Variants in LGSN observed in about 807,000 individuals in gnomAD.
LGSN encodes the protein lengsin.
Under a neutral mutation model 19.5 loss-of-function variants are expected in LGSN, and 21 were observed. That is an observed-to-expected ratio of 1.07 (90% CI 0.76 to 1.55). LGSN has a LOEUF of 1.55. Ranked by LOEUF, LGSN falls within the 40% of genes most tolerant of loss-of-function variation. The pLI is 0.00. For synonymous variants in LGSN, 257 were observed against 215.6 expected (o/e 1.19, Z -1.68); for missense variants, 673 against 608.5 (o/e 1.11, Z -1.12).
chr6:63,409,973 G>A, the LGSN span, among the ~76,000 whole-genome samples: 6 of 152,240 alleles, frequency 3.9e-5, no homozygotes, highest in Non-Finnish European at 7.4e-5. Flanking sequence ...GGAGGCGGAG[G>A]TTGCAGTGAG....
At chr6:63,393,491 T>C in the LGSN span, among the ~76,000 whole-genome samples, 3 of 152,166 alleles carry the variant, frequency 2.0e-5, no homozygotes, top group Non-Finnish European at 4.4e-5. Context: ...TCTTCCCTTC[T>C]TCTGTACAGT....
At chr6:63,353,967 C>T in the LGSN span, among the ~76,000 whole-genome samples, 2 of 152,180 alleles carry the variant, frequency 1.3e-5, no homozygotes, top group Non-Finnish European at 1.5e-5. Flanking sequence ...AACTAGACCC[C>T]TATCTCTCAC....
the LGSN span, among the ~76,000 whole-genome samples, chr6:63,510,928 G>A: frequency 0.31 from 47,417 of 151,860 alleles, 7,610 homozygotes; most frequent in Admixed American, 0.39. Flanking sequence ...TCCTGCCTCT[G>A]CCTCTCAAAG....
the LGSN span, among the ~76,000 whole-genome samples, chr6:63,542,817 A>G: frequency 6.6e-6 from 1 of 152,138 alleles, no homozygotes; most frequent in Admixed American, 6.6e-5. Flanking sequence ...TATGCAAAAT[A>G]CATCCCATAT....
At chr6:63,512,152 G>C in the LGSN span, among the ~76,000 whole-genome samples, 1 of 150,512 alleles carries the variant, frequency 6.6e-6, no homozygotes, top group Non-Finnish European at 1.5e-5. Context: ...GTGTGATCTC[G>C]GCTCACCGCA....
the LGSN span, among the ~76,000 whole-genome samples, chr6:63,409,135 T>A: frequency 1.3e-5 from 2 of 152,260 alleles, no homozygotes; most frequent in African/African-American, 2.4e-5. Flanking sequence ...TCATCTCAGA[T>A]TTCTGCCCTC....
intron 3 of LGSN, among the ~76,000 whole-genome samples, chr6:63,283,234 T>C (rs552060406): frequency 9.9e-5 from 15 of 152,282 alleles, no homozygotes; most frequent in African/African-American, 3.6e-4. Context: ...AGTATATGAA[T>C]ATATGTTAAT....
At chr6:63,536,222 T>C in the LGSN span, among the ~76,000 whole-genome samples, 3 of 152,100 alleles carry the variant, frequency 2.0e-5, no homozygotes, top group Non-Finnish European at 4.4e-5. Flanking sequence ...TCCCAGCTAC[T>C]CAGAGGCTGA....
chr6:63,355,617 T>C, the LGSN span, among the ~76,000 whole-genome samples: 1 of 152,212 alleles, frequency 6.6e-6, no homozygotes, highest in African/African-American at 2.4e-5. Flanking sequence ...CTCTCGCTTC[T>C]AGTCGTTTGC....
chr6:63,403,393 CAG>C, the LGSN span, among the ~76,000 whole-genome samples: 1 of 151,850 alleles, frequency 6.6e-6, no homozygotes, highest in African/African-American at 2.4e-5. Flanking sequence ...GACATAAAAA[CAG>C]AATTTAGGGG....
the LGSN span, among the ~76,000 whole-genome samples, chr6:63,375,112 A>G: frequency 2.0e-5 from 3 of 152,302 alleles, no homozygotes; most frequent in South Asian, 2.1e-4. Flanking sequence ...AAAACATGTT[A>G]TCAAGAATTA....
At position 63,315,970 on chromosome 6, in the gene LGSN, C is replaced by T. The variant is rs138460667; in HGVS notation, c.30+3944G>A. Among the ~76,000 whole-genome samples, 448 of 151,260 alleles carry T rather than the reference C, an allele frequency of 3.0e-3. 3 individuals carry two copies. The highest frequency in any genetic ancestry group is 0.01 in the African/African-American group (424 of 41,258). On this transcript the variant is annotated intron_variant, in intron 1 of 3. Coordinates refer to ENST00000370657, the MANE Select transcript of LGSN (RefSeq NM_016571.3). ...ACAGAAGGAAAATCCAGATAAATTG[C>T]TTGGAATTTGCAATGAATCAGAATT...
the LGSN span, among the ~76,000 whole-genome samples, chr6:63,412,514 G>GAAAGAA: frequency 2.9e-5 from 3 of 101,952 alleles, no homozygotes; most frequent in African/African-American, 1.3e-4. Flanking sequence ...AAGAAAGAAA[G>GAAAGAA]AAAGAAAGAA....
intron 1 of LGSN, among the ~76,000 whole-genome samples, chr6:63,302,129 TAAC>T (rs1768204571): frequency 6.6e-6 from 1 of 152,158 alleles, no homozygotes; most frequent in Admixed American, 6.5e-5. Flanking sequence ...AAATGGTACT[TAAC>T]ATTCTCTGAG....
the LGSN span, among the ~76,000 whole-genome samples, chr6:63,493,047 T>C: frequency 6.6e-6 from 1 of 152,200 alleles, no homozygotes; most frequent in Non-Finnish European, 1.5e-5. Flanking sequence ...ATTTCTCCAA[T>C]GTCTTATTGC....
the LGSN span, among the ~76,000 whole-genome samples, chr6:63,368,117 GA>G: frequency 6.9e-6 from 1 of 143,936 alleles, no homozygotes; most frequent in Non-Finnish European, 1.5e-5. Flanking sequence ...AAAGAAGCCA[GA>G]AAAAAAGAAA....
chr6:63,540,358 C>G, the LGSN span, among the ~76,000 whole-genome samples: 1 of 152,108 alleles, frequency 6.6e-6, no homozygotes, highest in Admixed American at 6.6e-5. Context: ...CAATGGGTCA[C>G]ACCTGTAATC....
the LGSN span, among the ~76,000 whole-genome samples, chr6:63,428,158 C>G: frequency 6.6e-6 from 1 of 152,040 alleles, no homozygotes; most frequent in Admixed American, 6.6e-5. Flanking sequence ...TTAATAACAC[C>G]TCATAAAAAT....
the LGSN span, among the ~76,000 whole-genome samples, chr6:63,346,764 T>C: frequency 1.3e-5 from 2 of 151,510 alleles, no homozygotes; most frequent in African/African-American, 4.9e-5. Flanking sequence ...CAGAACTGAA[T>C]TGAATTATAG....
Sources: gnomAD v4.1 joint callset for allele counts (sites outside exome capture counted in the v4.1 genomes callset) on GRCh38, gnomAD v4.1.1 for gene constraint, MANE v1.5 for transcripts, NCBI Gene and HGNC (gene_info 2026-07-23, HGNC 2026-07-21) for gene names.